Variants in LOXHD1 observed in about 807,000 individuals in gnomAD.
The protein encoded by LOXHD1 is lipoxygenase homology PLAT domains 1, also known as lipoxygenase homology domain-containing protein 1.
Under a neutral mutation model 248.2 loss-of-function variants are expected in LOXHD1, and 205 were observed. That is an observed-to-expected ratio of 0.83 (90% CI 0.74 to 0.93). The LOEUF (loss-of-function observed/expected upper bound fraction) is 0.93. Ranked by LOEUF, LOXHD1 falls within the 40% of genes least tolerant of loss-of-function variation. LOXHD1 has a pLI of 0.00. For missense variants in LOXHD1, 2,930 were observed against 2,971.6 expected, an observed-to-expected ratio of 0.99 and a Z score of 0.33; for synonymous variants, 1,113 against 1,162.8, an observed-to-expected ratio of 0.96 and a Z score of 0.87.
intron 21 of LOXHD1, among the ~76,000 whole-genome samples, chr18:46,548,897 T>C (rs2036965705): frequency 6.6e-6 from 1 of 152,208 alleles, no homozygotes; most frequent in Non-Finnish European, 1.5e-5. Flanking sequence ...CTTGAGATAC[T>C]TGCATCATGA....
At position 46,606,303 on chromosome 18, in the gene LOXHD1, C is replaced by G. The variant is rs188536029; in HGVS notation, c.760-2074G>C. 4.6e-5 allele frequency among the ~76,000 whole-genome samples: 7 copies of G among 152,046 alleles called. No individual in the cohort carries two copies. The East Asian group carries it at 1.4e-3, about 29-fold the overall frequency. On this transcript the variant is annotated intron_variant, in intron 6 of 40. Transcript: ENST00000642948. ...AAGATAAGGCATGAAACGTTTGTCA[C>G]AGCACTATTTATAGTATAATAGTAT...
intron 14 of LOXHD1, among the ~76,000 whole-genome samples, chr18:46,576,977 G>T (rs1343380510): frequency 6.6e-6 from 1 of 152,204 alleles, no homozygotes; most frequent in East Asian, 1.9e-4. Flanking sequence ...CCCTTGAGGA[G>T]CCCTGGACCA....
chr18:46,646,793 G>T (rs1443417666), intron 2 of LOXHD1, among the ~76,000 whole-genome samples: 4 of 152,210 alleles, frequency 2.6e-5, no homozygotes, highest in Non-Finnish European at 5.9e-5. Flanking sequence ...TTAAGTGTCT[G>T]TCCCTTTAAA....
intron 1 of LOXHD1, 101 bp downstream of exon 1, chr18:46,656,803 C>G: frequency 1.5e-6 from 2 of 1,333,882 alleles, no homozygotes; most frequent in Non-Finnish European, 1.0e-6. Context: ...TGAGGAAGGG[C>G]TTGCTCCGAA....
chr18:46,578,386 A>C (rs1247756629), intron 13 of LOXHD1, among the ~76,000 whole-genome samples: 1 of 152,234 alleles, frequency 6.6e-6, no homozygotes, highest in Non-Finnish European at 1.5e-5. Context: ...ATTGATGGAC[A>C]AAGGCGTCAG....
rs57982152 is a variant in LOXHD1, at chr18:46,645,971, G to A, written c.245+3184C>T. 6.1e-3 allele frequency among the ~76,000 whole-genome samples: 926 copies of A among 152,334 alleles called. 12 individuals are homozygous for A. Among genetic ancestry groups the A allele is most frequent in the African/African-American group, 0.021 (882 of 41,574 alleles). The stretch of plus-strand genomic sequence containing the variant: ...AGAAACACCATGAAAGAGGATGGCC[G>A]AGCTGTAAGACTGAGGCTCTAATAT... On this transcript the variant is annotated intron_variant, in intron 2 of 40. Coordinates refer to ENST00000642948, the MANE Select transcript of LOXHD1 (RefSeq NM_001384474.1).
chr18:46,542,638 A>G, intron 24 of LOXHD1, 89 bp downstream of exon 24: 1 of 1,487,080 alleles, frequency 6.7e-7, no homozygotes, highest in Non-Finnish European at 9.1e-7. Context: ...GATGGCATTC[A>G]AATTTCCAGA....
chr18:46,555,144 G>A, intron 21 of LOXHD1: 1 of 471,140 alleles, frequency 2.1e-6, no homozygotes, highest in Non-Finnish European at 4.4e-6. Flanking sequence ...GCTGCAAGGG[G>A]AAGCTGGGGA....
intron 8 of LOXHD1, among the ~76,000 whole-genome samples, chr18:46,595,118 C>T (rs1194691805): frequency 6.6e-6 from 1 of 152,164 alleles, no homozygotes; most frequent in East Asian, 1.9e-4. Flanking sequence ...TCTGACCCTC[C>T]CATCAGTCAA....
chr18:46,643,286 A>G (rs2038986311), intron 2 of LOXHD1, among the ~76,000 whole-genome samples: 1 of 152,162 alleles, frequency 6.6e-6, no homozygotes, highest in African/African-American at 2.4e-5. Context: ...AGTTTGCTGG[A>G]GTGAAAGGGG....
chr18:46,484,661 G>A (rs898765838), intron 39 of LOXHD1, among the ~76,000 whole-genome samples: 1 of 152,170 alleles, frequency 6.6e-6, no homozygotes, highest in Non-Finnish European at 1.5e-5. Flanking sequence ...GGTGGAGGCT[G>A]TCTCAGCAGT....
intron 28 of LOXHD1, among the ~76,000 whole-genome samples, chr18:46,531,110 A>C (rs1342306471): frequency 6.6e-6 from 1 of 151,974 alleles, no homozygotes; most frequent in Non-Finnish European, 1.5e-5. Context: ...TCCTTGTCTC[A>C]GTGGTCCTGC....
intron 25 of LOXHD1, among the ~76,000 whole-genome samples, chr18:46,540,555 C>T (rs917497921): frequency 2.0e-5 from 3 of 151,910 alleles, no homozygotes; most frequent in Non-Finnish European, 2.9e-5. Flanking sequence ...TAGGAGAACC[C>T]CTGGAAGTTT....
chr18:46,494,236 T>C (rs949691494), intron 37 of LOXHD1, among the ~76,000 whole-genome samples: 1 of 152,200 alleles, frequency 6.6e-6, no homozygotes, highest in African/African-American at 2.4e-5. Flanking sequence ...TTTTAGGGAA[T>C]GAGAATCATA....
chr18:46,615,628 A>G (rs1054426550), intron 5 of LOXHD1, among the ~76,000 whole-genome samples: 8 of 152,080 alleles, frequency 5.3e-5, no homozygotes, highest in Admixed American at 3.3e-4. Context: ...GATTTTGTAT[A>G]TGTTCATTAT....
chr18:46,552,252 A>G (rs965351793), intron 21 of LOXHD1, among the ~76,000 whole-genome samples: 3 of 152,180 alleles, frequency 2.0e-5, no homozygotes, highest in African/African-American at 7.2e-5. Context: ...TTGAGGCAGT[A>G]AAAAAACAAA....
intron 31 of LOXHD1, among the ~76,000 whole-genome samples, chr18:46,522,948 T>A (rs1478673042): frequency 6.6e-6 from 1 of 152,018 alleles, no homozygotes; most frequent in Non-Finnish European, 1.5e-5. Flanking sequence ...GAAATCTTTT[T>A]TTTTTTTCTT....
At chr18:46,555,622 G>A (rs1194968876) in intron 21 of LOXHD1, among the ~76,000 whole-genome samples, 1 of 152,118 alleles carries the variant, frequency 6.6e-6, no homozygotes, top group Non-Finnish European at 1.5e-5. Flanking sequence ...TCTAGGCACT[G>A]GCAGGCCCTC....
intron 1 of LOXHD1, 57 bp downstream of exon 1, chr18:46,656,847 C>T: frequency 6.5e-7 from 1 of 1,535,218 alleles, no homozygotes; most frequent in African/African-American, 1.4e-5. Context: ...CAGGAACAGA[C>T]CCCTGCCCAC....
Sources: gnomAD v4.1 joint callset for allele counts (sites outside exome capture counted in the v4.1 genomes callset) on GRCh38, gnomAD v4.1.1 for gene constraint, MANE v1.5 for transcripts, NCBI Gene and HGNC (gene_info 2026-07-23, HGNC 2026-07-21) for gene names.